The following PITPNC1 variants were observed in gnomAD, a reference collection of about 807,000 sequenced individuals.
The protein encoded by PITPNC1 is cytoplasmic phosphatidylinositol transfer protein 1.
In PITPNC1, 18 loss-of-function variants were observed where a neutral mutation model predicts 44.7. That is an observed-to-expected ratio of 0.40 (90% CI 0.28 to 0.60). The LOEUF is 0.60. Among genes scored for constraint, PITPNC1 ranks in the 20% least tolerant of loss-of-function variants. PITPNC1 has a pLI of 0.39. For missense variants in PITPNC1, 290 were observed against 418.4 expected (o/e 0.69, Z 2.68); for synonymous variants, 141 against 149.6 (o/e 0.94, Z 0.42).
intron 1 of PITPNC1, among the ~76,000 whole-genome samples, chr17:67,397,475 CCT>C (rs1176870052): frequency 2.6e-5 from 4 of 152,158 alleles, no homozygotes; most frequent in African/African-American, 7.2e-5. Context: ...GTCTTCCACA[CCT>C]CTCTTTTTGA....
At chr17:67,503,236 G>A (rs1214371119) in intron 1 of PITPNC1, among the ~76,000 whole-genome samples, 3 of 152,170 alleles carry the variant, frequency 2.0e-5, no homozygotes, top group Non-Finnish European at 4.4e-5. Context: ...ACTGGGGGTT[G>A]GGGTGGGAGT....
chr17:67,500,469 T>G (rs1399798685), intron 1 of PITPNC1, among the ~76,000 whole-genome samples: 2 of 152,154 alleles, frequency 1.3e-5, no homozygotes, highest in African/African-American at 4.8e-5. Context: ...TGATGAGTCA[T>G]TGCCAGGGGC....
chr17:67,384,487 G>A (rs2038011302), intron 1 of PITPNC1, among the ~76,000 whole-genome samples: 1 of 151,460 alleles, frequency 6.6e-6, no homozygotes, highest in East Asian at 1.9e-4. Flanking sequence ...GTGCAGTGGC[G>A]CGATCTCGGC....
intron 1 of PITPNC1, among the ~76,000 whole-genome samples, chr17:67,421,619 A>G (rs1482322632): frequency 6.6e-6 from 1 of 152,048 alleles, no homozygotes; most frequent in Non-Finnish European, 1.5e-5. Context: ...TTGTTATTCT[A>G]AAGTCTTCAC....
intron 5 of PITPNC1, among the ~76,000 whole-genome samples, chr17:67,604,834 C>G (rs1336000582): frequency 6.6e-6 from 1 of 151,810 alleles, no homozygotes; most frequent in East Asian, 1.9e-4. Context: ...AATCCCAGCA[C>G]TTTGGGAGGC....
intron 1 of PITPNC1, chr17:67,379,078 T>A (rs2037917290): frequency 1.0e-6 from 1 of 985,906 alleles, no homozygotes. Flanking sequence ...TTCCCTTTCT[T>A]CCCCTTCTTC....
At chr17:67,526,049 AC>A (rs2040387852) in intron 1 of PITPNC1, among the ~76,000 whole-genome samples, 1 of 152,124 alleles carries the variant, frequency 6.6e-6, no homozygotes, top group African/African-American at 2.4e-5. Flanking sequence ...GATTACCACC[AC>A]CCAATTTGGG....
rs1173602510 is a variant in PITPNC1, at chr17:67,377,885, C to T, written c.-270C>T. 14 of 389,694 alleles carry T rather than the reference C, an allele frequency of 3.6e-5. No individual in the cohort carries two copies. Among genetic ancestry groups the T allele is most frequent in the Non-Finnish European group, 1.8e-5 (4 of 221,020 alleles). 24.1% of individuals were successfully genotyped at this position (389,694 alleles called of 1,614,324 possible). Reference sequence around the variant, plus strand: ...AGTCGTCCCCAGCGGGTCTCCCTCCCTGCCTCCCTGACTTTGCAACACCGC... The same window carrying T: ...AGTCGTCCCCAGCGGGTCTCCCTCCTTGCCTCCCTGACTTTGCAACACCGC... On this transcript the variant is annotated 5_prime_UTR_variant, in exon 1 of 9. Transcript: ENST00000581322.
Position 67,378,054 on chromosome 17 carries a change from C to A in PITPNC1, c.-101C>A, listed in dbSNP as rs375927914. The A allele has an allele frequency of 1.8e-4, 117 of 635,878 alleles. 1 individual carries two copies. In the East Asian group the frequency reaches 2.2e-3, roughly 12 times the overall value. The allele number at this position is 635,878 out of a possible 1,614,324, so 39.4% of individuals were successfully genotyped here. A position where few individuals can be genotyped will look rare whatever the true frequency, so the allele number is the denominator to read the frequency against. On this transcript the variant is annotated 5_prime_UTR_variant, in exon 1 of 9. Transcript: ENST00000581322. ...GGCTGCTTCGCCCTCCGGCTCCGAG[C>A]GCCGGGCTCCGGGCGCCCTGCCCTG...
At chr17:67,684,929 G>A (rs1278185353) in intron 8 of PITPNC1, among the ~76,000 whole-genome samples, 1 of 152,136 alleles carries the variant, frequency 6.6e-6, no homozygotes. Flanking sequence ...ATTTCTGTGG[G>A]GATTCAATAG....
intron 4 of PITPNC1, among the ~76,000 whole-genome samples, chr17:67,566,202 T>G (rs931289873): frequency 1.3e-5 from 2 of 152,104 alleles, no homozygotes; most frequent in Admixed American, 1.3e-4. Flanking sequence ...GCAGGGTTTT[T>G]TGTTTGTTTG....
intron 1 of PITPNC1, among the ~76,000 whole-genome samples, chr17:67,396,046 ATT>A (rs2038215509): frequency 1.3e-5 from 2 of 152,192 alleles, no homozygotes; most frequent in African/African-American, 4.8e-5. Flanking sequence ...GCTGAGTGTA[ATT>A]ATGCTTTTCA....
intron 1 of PITPNC1, among the ~76,000 whole-genome samples, chr17:67,454,218 T>C (rs988401631): frequency 6.7e-6 from 1 of 150,302 alleles, no homozygotes; most frequent in Non-Finnish European, 1.5e-5. Context: ...GCCACTGCAC[T>C]ATAGCCTGGG....
At chr17:67,659,178 G>C (rs1167339823) in intron 6 of PITPNC1, among the ~76,000 whole-genome samples, 3 of 152,092 alleles carry the variant, frequency 2.0e-5, no homozygotes, top group Non-Finnish European at 4.4e-5. Flanking sequence ...TTTATAATAT[G>C]CTTGATGGAT....
At position 67,440,991 on chromosome 17, in the gene PITPNC1, G is replaced by A. The variant is rs576659166; in HGVS notation, c.48+62789G>A. 3.5e-4 allele frequency among the ~76,000 whole-genome samples: 54 copies of A among 152,266 alleles called. 1 individual carries two copies. Among genetic ancestry groups the A allele is most frequent in the African/African-American group, 1.2e-3 (51 of 41,562 alleles). On this transcript the variant is annotated intron_variant, in intron 1 of 8. Coordinates refer to ENST00000581322, the MANE Select transcript of PITPNC1 (RefSeq NM_012417.4). Reference sequence around the variant, plus strand: ...CAGAGTATTAAGATCCCCAGGCGATGCAACCAGGTAGTACCTAAGTGTATC... The same window carrying A: ...CAGAGTATTAAGATCCCCAGGCGATACAACCAGGTAGTACCTAAGTGTATC...
At chr17:67,472,630 G>C (rs1032911531) in intron 1 of PITPNC1, among the ~76,000 whole-genome samples, 2 of 148,230 alleles carry the variant, frequency 1.3e-5, no homozygotes, top group Non-Finnish European at 3.0e-5. Context: ...CTGGGTGACA[G>C]AGGGAAACTC....
At chr17:67,437,045 G>A (rs947578890) in intron 1 of PITPNC1, among the ~76,000 whole-genome samples, 1 of 144,898 alleles carries the variant, frequency 6.9e-6, no homozygotes, top group Non-Finnish European at 1.5e-5. Flanking sequence ...TCAGCCTCCC[G>A]AGTAACTAAG....
chr17:67,420,167 T>TG (rs1188489272), intron 1 of PITPNC1, among the ~76,000 whole-genome samples: 3 of 152,192 alleles, frequency 2.0e-5, no homozygotes, highest in Non-Finnish European at 4.4e-5. Context: ...CAGTGATTAG[T>TG]GAGTCTTTTC....
intron 6 of PITPNC1, among the ~76,000 whole-genome samples, chr17:67,663,774 G>T (rs2042382310): frequency 6.6e-6 from 1 of 152,092 alleles, no homozygotes; most frequent in South Asian, 2.1e-4. Context: ...CTTCCACGTT[G>T]TCAGGTCATT....
Sources: gnomAD v4.1 joint callset for allele counts (sites outside exome capture counted in the v4.1 genomes callset) on GRCh38, gnomAD v4.1.1 for gene constraint, MANE v1.5 for transcripts, NCBI Gene and HGNC (gene_info 2026-07-23, HGNC 2026-07-21) for gene names.